Variants in GK5 observed in about 807,000 individuals in gnomAD.
The protein encoded by GK5 is glycerol kinase 5.
Under a neutral mutation model 77.3 loss-of-function variants are expected in GK5, and 39 were observed. The observed-to-expected ratio is 0.50, with a 90% CI of 0.39 to 0.66. The LOEUF is 0.66. Among genes scored for constraint, GK5 ranks in the 30% least tolerant of loss-of-function variants. The pLI, the probability that GK5 is intolerant of heterozygous loss-of-function variation, is 0.00. For missense variants in GK5, 487 were observed against 633.8 expected (o/e 0.77, Z 2.49); for synonymous variants, 211 against 208.0 (o/e 1.01, Z -0.13).
chr3:142,191,519 C>T (rs1427484445), intron 5 of GK5, among the ~76,000 whole-genome samples: 1 of 151,658 alleles, frequency 6.6e-6, no homozygotes, highest in Non-Finnish European at 1.5e-5. Context: ...GCCTGGGAAA[C>T]AGCGACACTC....
In GK5 at chr3:142,164,801, C is replaced by G. The variant is rs2063456368; in HGVS notation, c.*821G>C. ...CTAAATAACAAAGAAAGATAAAGAA[C>G]AAGAGAAAGACAAGATTTATGTTAA... is the stretch of plus-strand genomic sequence containing the variant. On this transcript the variant is annotated 3_prime_UTR_variant, in exon 16 of 16. Transcript: ENST00000392993. The G allele has an allele frequency of 6.6e-6, 1 of 152,090 alleles. No individual in the cohort carries two copies. Among genetic ancestry groups the G allele is most frequent in the African/African-American group, 2.4e-5 (1 of 41,422 alleles). 9.4% of individuals were successfully genotyped at this position (152,090 alleles called of 1,614,324 possible). A position where few individuals can be genotyped will look rare whatever the true frequency, so the allele number is the denominator to read the frequency against.
At chr3:142,208,484 G>A (rs2064143574) in intron 3 of GK5, among the ~76,000 whole-genome samples, 1 of 152,062 alleles carries the variant, frequency 6.6e-6, no homozygotes, top group Non-Finnish European at 1.5e-5. Context: ...ATTAGGTAAG[G>A]GTCCAATTTA....
At chr3:142,184,513 A>G (rs867360239) in intron 9 of GK5, among the ~76,000 whole-genome samples, 2 of 152,134 alleles carry the variant, frequency 1.3e-5, no homozygotes, top group South Asian at 2.1e-4. Context: ...CATTTTGTTA[A>G]TATAGTCAAA....
At chr3:142,195,202 A>G (rs1458651726) in intron 5 of GK5, among the ~76,000 whole-genome samples, 1 of 152,156 alleles carries the variant, frequency 6.6e-6, no homozygotes, top group Non-Finnish European at 1.5e-5. Context: ...AGTTTTTATA[A>G]AAGATCCATA....
intron 12 of GK5, among the ~76,000 whole-genome samples, chr3:142,176,658 A>ATTTTTTTTTT (rs1219207632): frequency 2.9e-5 from 3 of 105,194 alleles, no homozygotes; most frequent in African/African-American, 7.6e-5. Context: ...GGAGATTTTG[A>ATTTTTTTTTT]TTTTTTTTTT....
chr3:142,220,473 T>C (rs1023048705), intron 1 of GK5, among the ~76,000 whole-genome samples: 5 of 152,140 alleles, frequency 3.3e-5, no homozygotes, highest in Non-Finnish European at 4.4e-5. Context: ...GGGCAGATGG[T>C]ACATGGCTTA....
chr3:142,184,827 A>G (rs1358270702), intron 9 of GK5: 8 of 980,476 alleles, frequency 8.2e-6, no homozygotes, highest in Non-Finnish European at 9.7e-6. Context: ...GGGAGACAAG[A>G]GTGAAACTCC....
chr3:142,159,853 C>CTCTCTTTTTTTTTTTTTTTTTTTTTTT lies in GK5; in HGVS notation c.*5768_*5769insAAAAAAAAAAAAAAAAAAAAAAAGAGA, dbSNP rs1553825247. ...TTTCTCTCTCTCTCTCTCTCTCTCT[C>CTCTCTTTTTTTTTTTTTTTTTTTTTTT]TTTTTTTTTTTTGAGACAGAGTCTC... On this transcript the variant is annotated 3_prime_UTR_variant, in exon 16 of 16. Coordinates refer to ENST00000392993, the MANE Select transcript of GK5 (RefSeq NM_001039547.3). 1 of 106,124 alleles carries CTCTCTTTTTTTTTTTTTTTTTTTTTTT rather than the reference C, an allele frequency of 9.4e-6. No individual in the cohort carries two copies. Among genetic ancestry groups the CTCTCTTTTTTTTTTTTTTTTTTTTTTT allele is most frequent in the Non-Finnish European group, 1.9e-5 (1 of 53,072 alleles). The allele number at this position is 106,124 out of a possible 1,614,324, so 6.6% of individuals were successfully genotyped here. A position where few individuals can be genotyped will look rare whatever the true frequency, so the allele number is the denominator to read the frequency against.
intron 3 of GK5, among the ~76,000 whole-genome samples, chr3:142,211,462 G>A (rs1378467894): frequency 6.6e-6 from 1 of 152,148 alleles, no homozygotes; most frequent in Non-Finnish European, 1.5e-5. Flanking sequence ...AACTGCAGAT[G>A]TAGGCATCAA....
chr3:142,199,138 C>T (rs2063980151), intron 4 of GK5, among the ~76,000 whole-genome samples: 1 of 152,018 alleles, frequency 6.6e-6, no homozygotes, highest in African/African-American at 2.4e-5. Context: ...AACATATCTA[C>T]TTTGAATTAT....
At chr3:142,192,763 C>CAA (rs201417747) in intron 5 of GK5, among the ~76,000 whole-genome samples, 4,421 of 82,792 alleles carry the variant, frequency 0.053, 291 homozygotes, top group African/African-American at 0.17. Context: ...GACTCTGTCT[C>CAA]AAAAAAAAAA....
intron 3 of GK5, among the ~76,000 whole-genome samples, chr3:142,208,914 C>T (rs1482494328): frequency 6.6e-5 from 10 of 152,136 alleles, no homozygotes; most frequent in Non-Finnish European, 1.3e-4. Context: ...CTTTAGGAGG[C>T]CGAGGAAGGC....
rs1281236679 is a variant in GK5 at position 142,225,501 on chromosome 3, G to A, written c.-46C>T. Reference sequence around the variant, plus strand: ...CGCTACAGCCGCCTACCCAGAGGGCGCGCTACAAATCCCAATGCTCCAGAG... The same window carrying A: ...CGCTACAGCCGCCTACCCAGAGGGCACGCTACAAATCCCAATGCTCCAGAG... On this transcript the variant is annotated 5_prime_UTR_variant, in exon 1 of 16. Transcript: ENST00000392993. 3 of 1,581,470 alleles carry A rather than the reference G, an allele frequency of 1.9e-6. No homozygotes were observed. Among genetic ancestry groups the A allele is most frequent in the East Asian group, 2.3e-5 (1 of 43,322 alleles).
At chr3:142,197,550 T>C (rs2063952233) in intron 5 of GK5, among the ~76,000 whole-genome samples, 1 of 152,224 alleles carries the variant, frequency 6.6e-6, no homozygotes, top group South Asian at 2.1e-4. Flanking sequence ...AGTTAGATCT[T>C]GTTTTTTTAT....
intron 2 of GK5, among the ~76,000 whole-genome samples, chr3:142,214,540 G>A (rs2064244809): frequency 6.6e-6 from 1 of 152,040 alleles, no homozygotes; most frequent in South Asian, 2.1e-4. Context: ...TATTCAACCT[G>A]AATCTAACTG....
rs2063434299 is a variant in GK5, at chr3:142,162,662, A to C, written c.*2960T>G. 6.6e-6 allele frequency: 1 copy of C among 152,166 alleles called. No individual in the cohort carries two copies. The highest frequency in any genetic ancestry group is 6.5e-5 in the Admixed American group (1 of 15,276). 9.4% of individuals were successfully genotyped at this position (152,166 alleles called of 1,614,324 possible). A position where few individuals can be genotyped will look rare whatever the true frequency, so the allele number is the denominator to read the frequency against. ...CTGAGAAGTAGCACAAATTTTTCTAAACTTCAAATATTAGCATACAAATGA... is the reference window on the plus strand; with the variant it reads ...CTGAGAAGTAGCACAAATTTTTCTACACTTCAAATATTAGCATACAAATGA... On this transcript the variant is annotated 3_prime_UTR_variant, in exon 16 of 16. Coordinates refer to ENST00000392993, the MANE Select transcript of GK5 (RefSeq NM_001039547.3).
intron 5 of GK5, among the ~76,000 whole-genome samples, chr3:142,198,333 C>T (rs183086503): frequency 3.9e-5 from 6 of 152,128 alleles, no homozygotes; most frequent in East Asian, 1.9e-4. Flanking sequence ...AAAGATATGG[C>T]GGGGAGTGGC....
intron 2 of GK5, 33 bp from the exon 3 acceptor site, chr3:142,213,634 A>G (rs1157886041): frequency 6.7e-6 from 9 of 1,351,596 alleles, no homozygotes; most frequent in Non-Finnish European, 8.5e-6. Context: ...CACATGTTTT[A>G]AAGCCAGTGA....
At chr3:142,201,179 C>T (rs980090315) in intron 4 of GK5, among the ~76,000 whole-genome samples, 2 of 152,100 alleles carry the variant, frequency 1.3e-5, no homozygotes, top group South Asian at 2.1e-4. Flanking sequence ...ATACAAAGAA[C>T]GTTCATAAAA....
Sources: gnomAD v4.1 joint callset for allele counts (sites outside exome capture counted in the v4.1 genomes callset) on GRCh38, gnomAD v4.1.1 for gene constraint, MANE v1.5 for transcripts, NCBI Gene and HGNC (gene_info 2026-07-23, HGNC 2026-07-21) for gene names.